Variants in HSD17B10 observed in about 807,000 individuals in gnomAD.
The protein encoded by HSD17B10 is hydroxysteroid 17-beta dehydrogenase 10.
For missense variants in HSD17B10, 87 were observed against 219.4 expected, an observed-to-expected ratio of 0.40 and a Z score of 3.81; for synonymous variants, 90 against 85.9, an observed-to-expected ratio of 1.05 and a Z score of -0.26.
At chrX:53,433,405 A>G (rs1167860936) in intron 2 of HSD17B10, among the ~76,000 whole-genome samples, 2 of 113,323 alleles carry the variant, frequency 1.8e-5, no homozygotes, top group South Asian at 7.1e-4. Context: ...CACTTTCTGT[A>G]GTTTGTTTCA....
In HSD17B10 at chrX:53,432,158, A is replaced by G. The variant is rs201631203; in HGVS notation, c.358-42T>C. 2.4e-3 allele frequency: 2,915 copies of G among 1,209,184 alleles called. 6 individuals are homozygous for G. Among genetic ancestry groups the G allele is most frequent in the Non-Finnish European group, 2.7e-3 (2,405 of 894,736 alleles). On this transcript the variant is annotated intron_variant, in intron 3 of 5. Transcript: ENST00000168216. ...GACATGCTATAGGACCTGAGGCAGA[A>G]GAAGCCTTTGTCCCCTAAAAACTTT...
chrX:53,431,978 G>C lies in HSD17B10; in HGVS notation c.486+10C>G, dbSNP rs2075826630. ...CTTAGGAGGCATAAGTCTTACCCCT[G>C]CCCACACACCTGACCCTCGAAGGCA... is the stretch of plus-strand genomic sequence containing the variant. On this transcript the variant is annotated intron_variant, in intron 4 of 5. Transcript: ENST00000168216. 8.3e-7 allele frequency: 1 copy of C among 1,211,364 alleles called. No homozygotes were observed. Among genetic ancestry groups the C allele is most frequent in the East Asian group, 3.0e-5 (1 of 33,839 alleles).
chrX:53,432,435 G>C (rs782246927), intron 2 of HSD17B10, 24 bp from the exon 3 acceptor site: 1 of 1,171,427 alleles, frequency 8.5e-7, no homozygotes, highest in African/African-American at 1.8e-5. Context: ...AGTGGAGAAG[G>C]TATTCATCTC....
intron 1 of HSD17B10, 113 bp from the exon 2 acceptor site, chrX:53,433,999 G>T: frequency 1.1e-6 from 1 of 873,711 alleles, no homozygotes; most frequent in Non-Finnish European, 1.6e-6. Context: ...GAGAGGTCGT[G>T]GTCACCCCTG....
intron 2 of HSD17B10, among the ~76,000 whole-genome samples, 155 bp from the exon 3 acceptor site, chrX:53,432,566 T>G (rs1417353425): frequency 8.9e-6 from 1 of 112,096 alleles, no homozygotes; most frequent in South Asian, 3.7e-4. Context: ...ACTTGAGAGA[T>G]AGGCTGGGTG....
Position 53,431,487 on chromosome X carries a change from G to A in HSD17B10, c.703C>T (p.His235Tyr). The A allele has an allele frequency of 8.3e-7, 1 of 1,210,447 alleles. No individual in the cohort carries two copies. The highest frequency in any genetic ancestry group is 1.8e-5 in the South Asian group (1 of 56,948). The change falls in exon 6 of 6, where the codon CAC (histidine) becomes TAC (tyrosine). Residue 235 changes from histidine (H) to tyrosine (Y), a missense_variant. Physicochemically the swap from His to Tyr is moderately conservative, Grantham distance 83. Transcript: ENST00000168216. ...SRLGDPAEYA[H>Y]LVQAIIENPF... ...TTCTCGATGATGGCCTGTACGAGGT[G>A]AGCATACTCAGCAGGGTCACCCAGT...
chrX:53,431,436 G>T lies in HSD17B10; in HGVS notation c.754C>A (p.Arg252=), dbSNP rs782733278. 1 of 1,210,684 alleles carries T rather than the reference G, an allele frequency of 8.3e-7. No homozygotes were observed. Among genetic ancestry groups the T allele is most frequent in the South Asian group, 1.8e-5 (1 of 56,902 alleles). The change falls in exon 6 of 6, where the codon CGG becomes AGG. Residue 252 remains arginine, a synonymous_variant. Coordinates refer to ENST00000168216, the MANE Select transcript of HSD17B10 (RefSeq NM_004493.3). ...TGCATACGAATGGCCCCATCCAGCCGGATGACCTCTCCATTGAGGAATGGG... is the reference window on the plus strand; with the variant it reads ...TGCATACGAATGGCCCCATCCAGCCTGATGACCTCTCCATTGAGGAATGGG... ...ENPFLNGEVI[R]LDGAIRMQP is the part of the protein sequence containing the mutation.
Position 53,431,321 on chromosome X carries a change from T to C in HSD17B10, c.*83A>G. 1.1e-6 allele frequency: 1 copy of C among 934,824 alleles called. No homozygotes were observed. The allele number at this position is 934,824 out of a possible 1,213,427, so 77.0% of individuals were successfully genotyped here. ...GACTGGTAGGCAGTTACAAAATGGC[T>C]ACTGGGCTTCCTCCCAAGCTGGAGA... is the stretch of plus-strand genomic sequence containing the variant. On this transcript the variant is annotated 3_prime_UTR_variant, in exon 6 of 6. Coordinates refer to ENST00000168216, the MANE Select transcript of HSD17B10 (RefSeq NM_004493.3).
chrX:53,434,285 G>A (rs1556895038), intron 1 of HSD17B10, 34 bp downstream of exon 1: 1 of 1,164,028 alleles, frequency 8.6e-7, no homozygotes. Flanking sequence ...GGCCCGTAAA[G>A]GAAGGCAAGC....
chrX:53,432,620 C>G, intron 2 of HSD17B10: 2 of 442,661 alleles, frequency 4.5e-6, no homozygotes, highest in Admixed American at 6.4e-5. Flanking sequence ...GAGGCCGAGG[C>G]TGGTGGATCA....
intron 1 of HSD17B10, 95 bp from the exon 2 acceptor site, chrX:53,433,981 G>T (rs1212386954): frequency 2.0e-6 from 2 of 995,797 alleles, no homozygotes; most frequent in South Asian, 2.0e-5. Context: ...GAGGAGAAGG[G>T]GGGAGGGGAG....
At chrX:53,434,180 C>T in intron 1 of HSD17B10, 139 bp downstream of exon 1, 1 of 739,826 alleles carries the variant, frequency 1.4e-6, no homozygotes, top group Non-Finnish European at 2.1e-6. Context: ...ACTTTCACCT[C>T]TTGAGCCCAA....
At chrX:53,431,743 C>T in intron 5 of HSD17B10, 55 bp downstream of exon 5, 1 of 1,085,505 alleles carries the variant, frequency 9.2e-7, no homozygotes, top group South Asian at 1.9e-5. Flanking sequence ...CCCCTCTCAA[C>T]TGTCCATGGA....
rs2146627999 is a variant in HSD17B10, at chrX:53,432,019, T to C, written c.455A>G (p.Asn152Ser). 1.7e-6 allele frequency: 2 copies of C among 1,211,763 alleles called. No individual in the cohort carries two copies. The highest frequency in any genetic ancestry group is 2.2e-6 in the Non-Finnish European group (2 of 895,448). ...CTCGAAGGCAGCCACACTGGCAGTG[T>C]TGATGATGACCCCACGTTGGCCTCC... ...DQGGQRGVII[N>S]TASVAAFEGQ... Residue 152 changes from asparagine (N) to serine (S), a missense_variant, in exon 4 of 6, where the codon AAC becomes AGC. Asn to Ser is a conservative substitution (Grantham distance 46). Coordinates refer to ENST00000168216, the MANE Select transcript of HSD17B10 (RefSeq NM_004493.3).
Position 53,433,892 on chromosome X carries a change from A to G in HSD17B10, c.28-6T>C, listed in dbSNP as rs1827330997. The G allele has an allele frequency of 4.1e-6, 5 of 1,209,318 alleles. No homozygotes were observed. In the African/African-American group the frequency reaches 5.2e-5, roughly 13 times the overall value. ...GTTATTACCGCCACCAGGCCCTGTC[A>G]AAAGGGACATGGTCAGGGTCAGCTG... On this transcript the variant is annotated splice_polypyrimidine_tract_variant and splice_region_variant and intron_variant, in intron 1 of 5. Coordinates refer to ENST00000168216, the MANE Select transcript of HSD17B10 (RefSeq NM_004493.3).
rs1556895043 is a variant in HSD17B10 at position 53,434,325 on chromosome X, G to T, written c.21C>A (p.Ser7Arg). 2.6e-6 allele frequency: 3 copies of T among 1,166,823 alleles called. No individual in the cohort carries two copies. The highest frequency in any genetic ancestry group is 3.4e-6 in the Non-Finnish European group (3 of 872,891). ...GAGGCAAAGAACCTTCTACCTTCAC[G>T]CTCCGACACGCTGCTGCCATCTTGT... The part of the protein sequence containing the change: MAAACR[S>R]VKGLVAVITG... Residue 7 changes from serine (S) to arginine (R), a missense_variant, in exon 1 of 6, where the codon AGC becomes AGA. Transcript: ENST00000168216.
In HSD17B10 at chrX:53,432,428, G is replaced by A. The variant is rs1361643211; in HGVS notation, c.193-17C>T. 6 of 1,190,932 alleles carry A rather than the reference G, an allele frequency of 5.0e-6. No homozygotes were observed. Among genetic ancestry groups the A allele is most frequent in the Non-Finnish European group, 6.8e-6 (6 of 881,636 alleles). ...AGAGGTCACCTTCAAAGAGAGAAGT[G>A]GAGAAGGTATTCATCTCCCAGCACC... On this transcript the variant is annotated splice_polypyrimidine_tract_variant and intron_variant, in intron 2 of 5. Transcript: ENST00000168216.
In HSD17B10 at chrX:53,434,369, A is replaced by T; in HGVS notation, c.-24T>A. The T allele has an allele frequency of 8.6e-7, 1 of 1,166,493 alleles. No individual in the cohort carries two copies. Among genetic ancestry groups the T allele is most frequent in the Non-Finnish European group, 1.1e-6 (1 of 872,072 alleles). On this transcript the variant is annotated 5_prime_UTR_variant, in exon 1 of 6. Transcript: ENST00000168216. ...ATCTTGTCGCCGGCCACTCCACGGG[A>T]TGGGGATGGGGGCGCGGGCGCTCGT...
At chrX:53,432,531 G>A (rs1171012488) in intron 2 of HSD17B10, 120 bp from the exon 3 acceptor site, 13 of 601,917 alleles carry the variant, frequency 2.2e-5, no homozygotes, top group Non-Finnish European at 3.6e-5. Context: ...TGTGAGAAGG[G>A]AGAGGCCAAG....
Sources: gnomAD v4.1 joint callset for allele counts (sites outside exome capture counted in the v4.1 genomes callset) on GRCh38, gnomAD v4.1.1 for gene constraint, MANE v1.5 for transcripts, NCBI Gene and HGNC (gene_info 2026-07-23, HGNC 2026-07-21) for gene names.